ARHGAP42: variants seen among roughly 807,000 people sequenced by gnomAD.
ARHGAP42 encodes rho GTPase-activating protein 42.
In ARHGAP42, 63 loss-of-function variants were observed where a neutral mutation model predicts 125.0. The observed-to-expected ratio is 0.50, with a 90% CI of 0.41 to 0.62. The LOEUF (loss-of-function observed/expected upper bound fraction) is 0.62, where lower values mean the gene tolerates loss of function less well. Among genes scored for constraint, ARHGAP42 ranks in the 20% least tolerant of loss-of-function variants. The probability of loss-of-function intolerance (pLI) is 0.00; values close to 1 mark genes in which losing one functional copy is unlikely to be tolerated. For synonymous variants in ARHGAP42, 339 were observed against 351.0 expected (o/e 0.97, Z 0.38); for missense variants, 766 against 1,024.2 (o/e 0.75, Z 3.44).
chr11:100,795,243 A>G (rs1029916320), intron 3 of ARHGAP42, 77 bp downstream of exon 3: 4 of 1,133,930 alleles, frequency 3.5e-6, no homozygotes, highest in Non-Finnish European at 4.9e-6. Context: ...TTCCTGAACT[A>G]GAGAACTTTA....
At chr11:100,775,544 A>T (rs988704645) in intron 2 of ARHGAP42, among the ~76,000 whole-genome samples, 3 of 152,236 alleles carry the variant, frequency 2.0e-5, no homozygotes, top group Admixed American at 2.0e-4. Flanking sequence ...ACTGATAGGA[A>T]ATAAAAGGTT....
rs139717161 is a variant in ARHGAP42, at chr11:100,993,327, C to CAT, written c.*4538_*4539dup. Reference sequence around the variant, plus strand: ...TTTAATCTCTATATGGCAGCATATACATATATATATATAAAATGCACACTT... The same window carrying CAT: ...TTTAATCTCTATATGGCAGCATATACATATATATATATATAAAATGCACACTT... On this transcript the variant is annotated 3_prime_UTR_variant, in exon 24 of 24. Transcript: ENST00000298815. 5,965 of 165,948 alleles carry CAT rather than the reference C, an allele frequency of 0.036. 142 individuals are homozygous for CAT. Among genetic ancestry groups the CAT allele is most frequent in the Admixed American group, 0.076 (1,146 of 15,154 alleles). 10.3% of individuals were successfully genotyped at this position (165,948 alleles called of 1,614,324 possible). A position where few individuals can be genotyped will look rare whatever the true frequency, so the allele number is the denominator to read the frequency against.
At chr11:100,832,718 C>T (rs1864691012) in intron 3 of ARHGAP42, among the ~76,000 whole-genome samples, 1 of 152,144 alleles carries the variant, frequency 6.6e-6, no homozygotes, top group African/African-American at 2.4e-5. Context: ...GTTCCCTCTC[C>T]CTCCTAAGTT....
intron 2 of ARHGAP42, among the ~76,000 whole-genome samples, chr11:100,783,585 C>G (rs142035126): frequency 6.6e-6 from 1 of 152,130 alleles, no homozygotes; most frequent in Non-Finnish European, 1.5e-5. Flanking sequence ...AGTACAGCCA[C>G]GAAAGCTGTA....
chr11:100,958,976 C>T (rs1274170730), intron 12 of ARHGAP42, among the ~76,000 whole-genome samples: 2 of 151,692 alleles, frequency 1.3e-5, no homozygotes, highest in Non-Finnish European at 2.9e-5. Context: ...TTTTGAGTTA[C>T]AAGAATGTGT....
chr11:100,779,557 C>CGTATATAT (rs1565210737), intron 2 of ARHGAP42, among the ~76,000 whole-genome samples: 1 of 137,810 alleles, frequency 7.3e-6, no homozygotes, highest in East Asian at 2.1e-4. Context: ...TATACATATA[C>CGTATATAT]ATACGTATAT....
At chr11:100,984,880 A>G (rs892669439) in intron 22 of ARHGAP42, among the ~76,000 whole-genome samples, 3 of 152,172 alleles carry the variant, frequency 2.0e-5, no homozygotes, top group Non-Finnish European at 2.9e-5. Context: ...TTAGCACCTG[A>G]GGAAACTTCA....
Position 100,976,921 on chromosome 11 carries a change from A to G in ARHGAP42, c.2343A>G (p.Arg781=). The G allele has an allele frequency of 1.4e-5, 21 of 1,551,488 alleles. No homozygotes were observed. The highest frequency in any genetic ancestry group is 1.8e-5 in the Non-Finnish European group (21 of 1,146,852). Reference sequence around the variant, plus strand: ...ACCTGCCTCCGAAAATGTGCAGGAGATTAAGACTAGACACTGCCTCAAGCA... The same window carrying G: ...ACCTGCCTCCGAAAATGTGCAGGAGGTTAAGACTAGACACTGCCTCAAGCA... ...NPDLPPKMCR[R]LRLDTASSNG... Residue 781 remains arginine, a synonymous_variant, in exon 21 of 24, where the codon AGA becomes AGG. Coordinates refer to ENST00000298815, the MANE Select transcript of ARHGAP42 (RefSeq NM_152432.4).
At chr11:100,925,075 A>G (rs1386478059) in intron 6 of ARHGAP42, among the ~76,000 whole-genome samples, 1 of 151,852 alleles carries the variant, frequency 6.6e-6, no homozygotes, top group African/African-American at 2.4e-5. Flanking sequence ...CAGGTGATCC[A>G]CCTGTTTTGG....
chr11:100,779,701 G>A (rs1230758632), intron 2 of ARHGAP42, among the ~76,000 whole-genome samples: 3 of 151,210 alleles, frequency 2.0e-5, no homozygotes, highest in Non-Finnish European at 2.9e-5. Context: ...ACACACATAT[G>A]TAATTTTTAC....
chr11:100,779,498 A>ACACACACG (rs1491252887), intron 2 of ARHGAP42, among the ~76,000 whole-genome samples: 1 of 74,370 alleles, frequency 1.3e-5, no homozygotes, highest in Non-Finnish European at 3.0e-5. Context: ...ACACACACAC[A>ACACACACG]TATATACACG....
chr11:100,903,168 A>G (rs1055887598), intron 4 of ARHGAP42, among the ~76,000 whole-genome samples: 1 of 112,056 alleles, frequency 8.9e-6, no homozygotes, highest in African/African-American at 3.0e-5. Flanking sequence ...AAGCTTTAGC[A>G]GGCAAGCTTT....
At chr11:100,796,516 A>G (rs1483371883) in intron 3 of ARHGAP42, among the ~76,000 whole-genome samples, 1 of 152,238 alleles carries the variant, frequency 6.6e-6, no homozygotes, top group Non-Finnish European at 1.5e-5. Flanking sequence ...TTTAGTGAAG[A>G]AGGCATGTCA....
rs139561403 is a variant in ARHGAP42 at position 100,871,497 on chromosome 11, G to A, written c.384+11872G>A. On this transcript the variant is annotated intron_variant, in intron 4 of 23. Transcript: ENST00000298815. ...GGAGGTGGAGGTTGCAGTGAGCCGA[G>A]ATTGCGCCACTGCACTCCAGCCTGG... Among the ~76,000 whole-genome samples the A allele has an allele frequency of 8.5e-3, 1,229 of 145,148 alleles. 17 individuals are homozygous for A. The highest frequency in any genetic ancestry group is 0.029 in the African/African-American group (1,154 of 39,220).
At chr11:100,975,958 G>A (rs1055354101) in intron 19 of ARHGAP42, 99 bp from the exon 20 acceptor site, 34 of 1,348,770 alleles carry the variant, frequency 2.5e-5, no homozygotes, top group East Asian at 1.8e-4. Flanking sequence ...TCAGGTGGCC[G>A]CAGAACACAT....
chr11:100,717,661 T>A (rs2455568), intron 1 of ARHGAP42, among the ~76,000 whole-genome samples: 144,418 of 144,426 alleles, frequency 1, 72,205 homozygotes, highest in Middle Eastern at 1. Flanking sequence ...AAAAAAAGAT[T>A]CCATATATAA....
In ARHGAP42 at chr11:100,687,580, G is replaced by A. The variant is rs1378099411; in HGVS notation, c.-99G>A. 1 of 1,002,270 alleles carries A rather than the reference G, an allele frequency of 1.0e-6. No homozygotes were observed. Among genetic ancestry groups the A allele is most frequent in the Non-Finnish European group, 1.3e-6 (1 of 799,584 alleles). 62.1% of individuals were successfully genotyped at this position (1,002,270 alleles called of 1,614,324 possible). ...CCCCTCGCGTCCCGGCGCCTTCCCC[G>A]CGATCGCGCGACCCCAGCGCCCGCC... On this transcript the variant is annotated 5_prime_UTR_variant, in exon 1 of 24. Coordinates refer to ENST00000298815, the MANE Select transcript of ARHGAP42 (RefSeq NM_152432.4).
At chr11:100,855,737 C>T (rs923787992) in intron 3 of ARHGAP42, among the ~76,000 whole-genome samples, 1 of 151,994 alleles carries the variant, frequency 6.6e-6, no homozygotes, top group African/African-American at 2.4e-5. Context: ...CTTAAATAAC[C>T]TACCCACAGT....
At chr11:100,928,551 C>A (rs2155793) in intron 6 of ARHGAP42, among the ~76,000 whole-genome samples, 136,940 of 151,708 alleles carry the variant, frequency 0.9, 61,999 homozygotes, top group East Asian at 1. Flanking sequence ...ATGCCACTAT[C>A]CTCCAGCCTG....
Sources: gnomAD v4.1 joint callset for allele counts (sites outside exome capture counted in the v4.1 genomes callset) on GRCh38, gnomAD v4.1.1 for gene constraint, MANE v1.5 for transcripts, NCBI Gene and HGNC (gene_info 2026-07-23, HGNC 2026-07-21) for gene names.